CTDSPL2: variants seen among roughly 807,000 people sequenced by gnomAD.
The protein encoded by CTDSPL2 is CTD small phosphatase like 2.
CTDSPL2 carries 5 observed loss-of-function variants against 60.0 expected under a neutral mutation model. The ratio of observed to expected loss-of-function variants is 0.08; its 90% CI spans 0.04 to 0.18. The LOEUF (loss-of-function observed/expected upper bound fraction) is 0.18. Among genes scored for constraint, CTDSPL2 ranks in the 10% least tolerant of loss-of-function variants. The probability of loss-of-function intolerance (pLI) is 1.00; values close to 1 mark genes in which losing one functional copy is unlikely to be tolerated. For missense variants in CTDSPL2, 370 were observed against 548.8 expected, an observed-to-expected ratio of 0.67 and a Z score of 3.26; for synonymous variants, 186 against 189.3, an observed-to-expected ratio of 0.98 and a Z score of 0.14.
intron 2 of CTDSPL2, among the ~76,000 whole-genome samples, chr15:44,483,114 C>T (rs1378552983): frequency 3.3e-5 from 5 of 151,952 alleles, no homozygotes; most frequent in Non-Finnish European, 5.9e-5. Context: ...CAAAGATTAG[C>T]GGGGCGTGGT....
chr15:44,476,692 C>T (rs1426682410), intron 2 of CTDSPL2, among the ~76,000 whole-genome samples: 2 of 152,030 alleles, frequency 1.3e-5, no homozygotes, highest in African/African-American at 2.4e-5. Context: ...GGTGGGTTGC[C>T]TAGAGCGATA....
rs1222080787 is a variant in CTDSPL2 at position 44,528,314 on chromosome 15, C to T, written c.*4140C>T. 4 of 150,294 alleles carry T rather than the reference C, an allele frequency of 2.7e-5. No homozygotes were observed. Among genetic ancestry groups the T allele is most frequent in the Non-Finnish European group, 5.9e-5 (4 of 67,780 alleles). 9.3% of individuals were successfully genotyped at this position (150,294 alleles called of 1,614,324 possible). On this transcript the variant is annotated 3_prime_UTR_variant, in exon 13 of 13. Coordinates refer to ENST00000260327, the MANE Select transcript of CTDSPL2 (RefSeq NM_016396.3). The stretch of plus-strand genomic sequence containing the variant: ...CCTGGAAAATTGTCTCGCTGGATCT[C>T]GAGAGGGGCCTGAGAGTTCTGGCTT...
intron 2 of CTDSPL2, among the ~76,000 whole-genome samples, chr15:44,463,009 A>G (rs933855221): frequency 6.6e-6 from 1 of 151,408 alleles, no homozygotes; most frequent in Non-Finnish European, 1.5e-5. Context: ...CCAGCCACTC[A>G]GGAGGATTTT....
intron 2 of CTDSPL2, among the ~76,000 whole-genome samples, chr15:44,475,113 G>C (rs1173826037): frequency 1.3e-5 from 2 of 151,342 alleles, no homozygotes; most frequent in East Asian, 3.8e-4. Context: ...TACCAAGTCC[G>C]GCCACATTAA....
intron 4 of CTDSPL2, 143 bp downstream of exon 4, chr15:44,486,843 A>G (rs1459458638): frequency 1.9e-6 from 1 of 538,518 alleles, no homozygotes; most frequent in Non-Finnish European, 3.1e-6. Context: ...CGCTCACTGC[A>G]GCCTCTGCCT....
At position 44,440,407 on chromosome 15, in the gene CTDSPL2, G is replaced by C. The variant is rs113293663; in HGVS notation, c.-25+12635G>C. Among the ~76,000 whole-genome samples the C allele has an allele frequency of 5.7e-3, 872 of 152,088 alleles. 9 individuals are homozygous for C. Among genetic ancestry groups the C allele is most frequent in the African/African-American group, 0.02 (841 of 41,504 alleles). Reference sequence around the variant, plus strand: ...GATGGGGCTTCACTCTGTTGCCCAGGCTGGTCTCGAACTCCTGACCTCAGG... The same window carrying C: ...GATGGGGCTTCACTCTGTTGCCCAGCCTGGTCTCGAACTCCTGACCTCAGG... On this transcript the variant is annotated intron_variant, in intron 1 of 12. Coordinates refer to ENST00000260327, the MANE Select transcript of CTDSPL2 (RefSeq NM_016396.3).
At chr15:44,480,171 A>G (rs1360252584) in intron 2 of CTDSPL2, among the ~76,000 whole-genome samples, 1 of 152,036 alleles carries the variant, frequency 6.6e-6, no homozygotes, top group African/African-American at 2.4e-5. Flanking sequence ...CTGTCATTTC[A>G]ATTCTAGCCA....
At chr15:44,450,589 A>ATTTTTTTTTT (rs36016079) in intron 1 of CTDSPL2, among the ~76,000 whole-genome samples, 8 of 88,686 alleles carry the variant, frequency 9.0e-5, no homozygotes, top group Admixed American at 1.5e-4. Context: ...TATATTCTTA[A>ATTTTTTTTTT]TTTTTTTTTT....
At chr15:44,479,766 A>T (rs2080992057) in intron 2 of CTDSPL2, among the ~76,000 whole-genome samples, 1 of 151,952 alleles carries the variant, frequency 6.6e-6, no homozygotes, top group Non-Finnish European at 1.5e-5. Context: ...TTCCCTATGC[A>T]TCTTTTTCTG....
intron 2 of CTDSPL2, among the ~76,000 whole-genome samples, chr15:44,483,262 C>CAA (rs764227469): frequency 1.7e-4 from 13 of 78,284 alleles, no homozygotes; most frequent in African/African-American, 1.4e-4. Flanking sequence ...GACTCTGTCT[C>CAA]AAAAAAAAAA....
intron 2 of CTDSPL2, among the ~76,000 whole-genome samples, chr15:44,470,248 T>C (rs746880825): frequency 3.3e-5 from 5 of 152,088 alleles, no homozygotes; most frequent in South Asian, 2.1e-4. Context: ...ATTTGCTTCA[T>C]GTATGTTGAA....
chr15:44,428,337 T>C (rs1054541414), intron 1 of CTDSPL2, among the ~76,000 whole-genome samples: 4 of 152,220 alleles, frequency 2.6e-5, no homozygotes, highest in Non-Finnish European at 4.4e-5. Context: ...GAACAGTCCA[T>C]GTGGAAGGCG....
intron 1 of CTDSPL2, among the ~76,000 whole-genome samples, chr15:44,434,155 A>C (rs2079924024): frequency 6.6e-6 from 1 of 151,958 alleles, no homozygotes; most frequent in South Asian, 2.1e-4. Context: ...TAATCCCAGC[A>C]CTTTGGGAGG....
At chr15:44,515,405 G>C (rs2081632416) in intron 10 of CTDSPL2, among the ~76,000 whole-genome samples, 1 of 152,092 alleles carries the variant, frequency 6.6e-6, no homozygotes, top group Non-Finnish European at 1.5e-5. Context: ...TGTTTTCCTG[G>C]TTAGTGGGAG....
chr15:44,474,846 A>G (rs1171414058), intron 2 of CTDSPL2, among the ~76,000 whole-genome samples: 2 of 152,178 alleles, frequency 1.3e-5, no homozygotes, highest in African/African-American at 4.8e-5. Flanking sequence ...ACTCCATCTC[A>G]AAAGAAAAGA....
intron 12 of CTDSPL2, among the ~76,000 whole-genome samples, chr15:44,523,388 C>CATACA (rs2081817733): frequency 6.9e-6 from 1 of 145,006 alleles, no homozygotes; most frequent in Non-Finnish European, 1.5e-5. Flanking sequence ...GACCTCATCT[C>CATACA]TACATACATA....
chr15:44,481,066 T>C (rs2081017959), intron 2 of CTDSPL2, among the ~76,000 whole-genome samples: 1 of 152,138 alleles, frequency 6.6e-6, no homozygotes, highest in Non-Finnish European at 1.5e-5. Context: ...CTGGGCACCA[T>C]GGCTCATGCC....
At chr15:44,490,753 AT>A in intron 4 of CTDSPL2, 30 bp from the exon 5 acceptor site, 1 of 1,558,188 alleles carries the variant, frequency 6.4e-7, no homozygotes, top group South Asian at 1.1e-5. Flanking sequence ...GCATTTTTAA[AT>A]GATGATAGTA....
chr15:44,510,935 C>G (rs1402048413), intron 8 of CTDSPL2, among the ~76,000 whole-genome samples: 1 of 152,184 alleles, frequency 6.6e-6, no homozygotes, highest in African/African-American at 2.4e-5. Context: ...TATTTCTGTT[C>G]ACGCTTACCT....
Sources: allele counts gnomAD v4.1 joint callset (sites outside exome capture counted in the v4.1 genomes callset), GRCh38; gene constraint gnomAD v4.1.1; transcripts MANE v1.5; gene names NCBI Gene and HGNC (gene_info 2026-07-23, HGNC 2026-07-21).